The following RIN3 variants were observed in gnomAD, a reference collection of about 807,000 sequenced individuals.
RIN3 encodes the protein RAB5 interacting protein 3.
RIN3 carries 54 observed loss-of-function variants against 76.3 expected under a neutral mutation model. That is an observed-to-expected ratio of 0.71 (90% CI 0.57 to 0.89). The LOEUF (loss-of-function observed/expected upper bound fraction) is 0.89, where lower values mean the gene tolerates loss of function less well. Ranked by LOEUF, RIN3 falls within the 40% of genes least tolerant of loss-of-function variation. The pLI, the probability that RIN3 is intolerant of heterozygous loss-of-function variation, is 0.00. For synonymous variants in RIN3, 576 were observed against 564.0 expected (o/e 1.02, Z -0.30); for missense variants, 1,256 against 1,322.1 (o/e 0.95, Z 0.78).
chr14:92,658,529 C>T (rs1482752194), intron 6 of RIN3, among the ~76,000 whole-genome samples: 1 of 152,126 alleles, frequency 6.6e-6, no homozygotes, highest in Non-Finnish European at 1.5e-5. Context: ...AAGCATGTTA[C>T]GATCAAAGAT....
At chr14:92,654,712 C>T (rs962108805) in intron 6 of RIN3, among the ~76,000 whole-genome samples, 8 of 152,280 alleles carry the variant, frequency 5.3e-5, no homozygotes, top group Admixed American at 6.5e-5. Flanking sequence ...GCTGTGTGTG[C>T]GTCTGCACAG....
At chr14:92,637,745 G>A (rs747985) in intron 4 of RIN3, among the ~76,000 whole-genome samples, 136,059 of 152,184 alleles carry the variant, frequency 0.89, 61,083 homozygotes, top group African/African-American at 0.94. Context: ...TGACTGATAA[G>A]GCTTAACAAG....
chr14:92,553,026 TAAAAAAA>T (rs55684274), intron 1 of RIN3, among the ~76,000 whole-genome samples: 3 of 123,230 alleles, frequency 2.4e-5, no homozygotes, highest in Non-Finnish European at 1.7e-5. Context: ...GTTCTGCAGG[TAAAAAAA>T]AAAAAAAAAA....
At chr14:92,529,538 G>A (rs144053354) in intron 1 of RIN3, among the ~76,000 whole-genome samples, 19 of 151,914 alleles carry the variant, frequency 1.3e-4, no homozygotes, top group African/African-American at 3.9e-4. Context: ...GTGAGCCACC[G>A]CACCCAGCCC....
At chr14:92,675,859 A>C (rs943192625) in intron 7 of RIN3, among the ~76,000 whole-genome samples, 2 of 152,196 alleles carry the variant, frequency 1.3e-5, no homozygotes, top group African/African-American at 2.4e-5. Context: ...TCTGCCACGC[A>C]AAGTGTCTGT....
At chr14:92,617,352 G>A (rs1009546495) in intron 4 of RIN3, among the ~76,000 whole-genome samples, 1 of 151,092 alleles carries the variant, frequency 6.6e-6, no homozygotes, top group Non-Finnish European at 1.5e-5. Context: ...TTTTGGTCAC[G>A]TTCTCACTTT....
At chr14:92,645,873 AC>A (rs1216736713) in intron 5 of RIN3, among the ~76,000 whole-genome samples, 2 of 151,638 alleles carry the variant, frequency 1.3e-5, no homozygotes, top group African/African-American at 2.4e-5. Flanking sequence ...AATCACTTGA[AC>A]TCGGGAAGTG....
intron 3 of RIN3, among the ~76,000 whole-genome samples, chr14:92,579,804 C>T (rs1898377700): frequency 6.6e-6 from 1 of 152,240 alleles, no homozygotes; most frequent in African/African-American, 2.4e-5. Context: ...GTATGGGAAA[C>T]AGACATCACT....
intron 2 of RIN3, among the ~76,000 whole-genome samples, chr14:92,564,795 G>C (rs1365692469): frequency 1.3e-5 from 2 of 152,204 alleles, no homozygotes; most frequent in African/African-American, 2.4e-5. Context: ...TGCAGTGAGG[G>C]ATGAAAAATG....
chr14:92,579,081 C>A (rs917457821), intron 3 of RIN3, among the ~76,000 whole-genome samples: 1 of 152,146 alleles, frequency 6.6e-6, no homozygotes, highest in Admixed American at 6.5e-5. Flanking sequence ...GCATGTGCCA[C>A]CACACCCGGC....
At chr14:92,641,394 C>A in intron 5 of RIN3, 65 bp downstream of exon 5, 6 of 1,246,142 alleles carry the variant, frequency 4.8e-6, no homozygotes, top group Non-Finnish European at 7.1e-6. Flanking sequence ...CTAGGACTGC[C>A]CCAGGGGCCG....
At chr14:92,678,314 C>A (rs1356045359) in intron 8 of RIN3, among the ~76,000 whole-genome samples, 2 of 151,682 alleles carry the variant, frequency 1.3e-5, no homozygotes, top group African/African-American at 4.8e-5. Context: ...ACATATTCAC[C>A]CACACACCCA....
chr14:92,534,186 TG>T (rs958931819), intron 1 of RIN3, among the ~76,000 whole-genome samples: 1 of 151,470 alleles, frequency 6.6e-6, no homozygotes, highest in African/African-American at 2.4e-5. Flanking sequence ...CTCAGCCCTA[TG>T]GGTATGAGAC....
chr14:92,625,162 C>G (rs780657686), intron 4 of RIN3, among the ~76,000 whole-genome samples: 1 of 152,148 alleles, frequency 6.6e-6, no homozygotes, highest in Non-Finnish European at 1.5e-5. Context: ...GTATGGTAAC[C>G]TATAGAGCAT....
intron 3 of RIN3, among the ~76,000 whole-genome samples, chr14:92,594,285 A>G (rs1392109823): frequency 2.0e-5 from 3 of 152,112 alleles, no homozygotes; most frequent in Non-Finnish European, 4.4e-5. Flanking sequence ...ATACAAAATT[A>G]GCTGGGCATG....
At chr14:92,680,649 A>C (rs1185085952) in intron 8 of RIN3, among the ~76,000 whole-genome samples, 1 of 152,216 alleles carries the variant, frequency 6.6e-6, no homozygotes, top group Admixed American at 6.5e-5. Context: ...CCGAACATTC[A>C]GACCTTAGCA....
At chr14:92,534,532 G>A (rs1896952126) in intron 1 of RIN3, among the ~76,000 whole-genome samples, 1 of 150,870 alleles carries the variant, frequency 6.6e-6, no homozygotes, top group Non-Finnish European at 1.5e-5. Flanking sequence ...GTGTTGCAGT[G>A]AGCCAAGATC....
In RIN3 at chr14:92,585,133, C is replaced by T. The variant is rs181709393; in HGVS notation, c.367+7656C>T. ...GCTCAAGCGATCCTCCTGCCTTAGC[C>T]GCCCAAGTAGCTGGGATGACAGGTG... On this transcript the variant is annotated intron_variant, in intron 3 of 9. Transcript: ENST00000216487. 1.9e-4 allele frequency among the ~76,000 whole-genome samples: 29 copies of T among 152,044 alleles called. No homozygotes were observed. The East Asian group carries it at 2.1e-3, about 11-fold the overall frequency.
chr14:92,561,916 G>A (rs910672764), intron 2 of RIN3, among the ~76,000 whole-genome samples: 3 of 152,096 alleles, frequency 2.0e-5, no homozygotes, highest in African/African-American at 4.8e-5. Context: ...GAGCTCCTGG[G>A]CTCAAGCAAT....
Sources: allele counts gnomAD v4.1 joint callset (sites outside exome capture counted in the v4.1 genomes callset), GRCh38; gene constraint gnomAD v4.1.1; transcripts MANE v1.5; gene names NCBI Gene and HGNC (gene_info 2026-07-23, HGNC 2026-07-21).